ZNF804A: variants seen among roughly 807,000 people sequenced by gnomAD.
ZNF804A encodes the protein zinc finger protein 804A.
ZNF804A carries 2 observed loss-of-function variants against 16.5 expected under a neutral mutation model. The observed-to-expected ratio is 0.12, with a 90% CI of 0.05 to 0.38. The LOEUF (loss-of-function observed/expected upper bound fraction) is 0.38. Ranked by LOEUF, ZNF804A falls within the 10% of genes least tolerant of loss-of-function variation. The pLI is 0.99. For missense variants in ZNF804A, 1,473 were observed against 1,390.7 expected (o/e 1.06, Z -0.94); for synonymous variants, 534 against 489.6 (o/e 1.09, Z -1.20).
intron 1 of ZNF804A, among the ~76,000 whole-genome samples, chr2:184,613,507 T>C (rs1244199347): frequency 6.6e-6 from 1 of 152,190 alleles, no homozygotes; most frequent in Non-Finnish European, 1.5e-5. Context: ...ATCATGTTAG[T>C]AAGATTTGGC....
chr2:184,822,089 A>T lies in ZNF804A; in HGVS notation c.112-44280A>T, dbSNP rs1187323660. On this transcript the variant is annotated intron_variant, in intron 1 of 3. Transcript: ENST00000302277. The stretch of plus-strand genomic sequence containing the variant: ...GTATACCCAAAGGAATATAAATCAT[A>T]CTTCGGTAAAGACACATGCATGTGT... Among the ~76,000 whole-genome samples the T allele has an allele frequency of 2.0e-5, 3 of 152,050 alleles. No homozygotes were observed. The South Asian group carries it at 6.2e-4, about 31-fold the overall frequency.
chr2:184,715,305 T>C (rs1693196466), intron 1 of ZNF804A, among the ~76,000 whole-genome samples: 1 of 152,160 alleles, frequency 6.6e-6, no homozygotes, highest in African/African-American at 2.4e-5. Context: ...GTTAAAGTGT[T>C]CACTTCTGAA....
At chr2:184,733,266 C>A (rs1360442508) in intron 1 of ZNF804A, among the ~76,000 whole-genome samples, 1 of 152,118 alleles carries the variant, frequency 6.6e-6, no homozygotes, top group Non-Finnish European at 1.5e-5. Context: ...AAACCCACTT[C>A]TGAATTTATT....
Position 184,938,703 on chromosome 2 carries a change from TTGCAGCAGCACGCTGCAGCTGCTGCAGC to T in ZNF804A, c.3314_3341del (p.Gln1105LeufsTer35). On this transcript the variant is annotated frameshift_variant, in exon 4 of 4. Coordinates refer to ENST00000302277, the MANE Select transcript of ZNF804A (RefSeq NM_194250.2). LOFTEE classifies it low-confidence loss of function (END_TRUNC). ...TGTAACCACTATCCATCACACTGTTTTGCAGCAGCACGCTGCAGCTGCTGCAGCTGCAGCTGCAGCCGCAGCTGCAGGA... is the reference window on the plus strand; with the variant it reads ...TGTAACCACTATCCATCACACTGTTTTGCAGCTGCAGCCGCAGCTGCAGGA... 1.2e-6 allele frequency: 2 copies of T among 1,613,596 alleles called. No homozygotes were observed. Among genetic ancestry groups the T allele is most frequent in the Non-Finnish European group, 1.7e-6 (2 of 1,179,786 alleles).
chr2:184,833,036 C>T lies in ZNF804A; in HGVS notation c.112-33333C>T, dbSNP rs565914697. Reference sequence around the variant, plus strand: ...GCAGTGAGATTCCTGAGTTGCAGGGCACATGCATACTTAATTTCATTAAAT... The same window carrying T: ...GCAGTGAGATTCCTGAGTTGCAGGGTACATGCATACTTAATTTCATTAAAT... On this transcript the variant is annotated intron_variant, in intron 1 of 3. Coordinates refer to ENST00000302277, the MANE Select transcript of ZNF804A (RefSeq NM_194250.2). Among the ~76,000 whole-genome samples the T allele has an allele frequency of 1.2e-4, 19 of 152,116 alleles. No homozygotes were observed. The South Asian group carries it at 1.5e-3, about 12-fold the overall frequency.
At position 184,612,887 on chromosome 2, in the gene ZNF804A, GTTAA is replaced by G. The variant is rs540052570; in HGVS notation, c.111+13822_111+13825del. ...TTTCCATATTATTCCACAGTAAAGG[GTTAA>G]TTAAGTAAATAATAATAATAAATCA... On this transcript the variant is annotated intron_variant, in intron 1 of 3. Transcript: ENST00000302277. Among the ~76,000 whole-genome samples the G allele has an allele frequency of 1.1e-4, 16 of 152,248 alleles. 1 individual carries two copies. The South Asian group carries it at 2.7e-3, about 26-fold the overall frequency.
chr2:184,903,246 G>T (rs993417632), intron 2 of ZNF804A, among the ~76,000 whole-genome samples: 1 of 152,048 alleles, frequency 6.6e-6, no homozygotes, highest in African/African-American at 2.4e-5. Flanking sequence ...ATAGAATAAA[G>T]ATTACTTCAA....
At chr2:184,869,757 T>A (rs1456215094) in intron 2 of ZNF804A, among the ~76,000 whole-genome samples, 2 of 152,012 alleles carry the variant, frequency 1.3e-5, no homozygotes, top group Admixed American at 6.6e-5. Flanking sequence ...ATCCAGGTAA[T>A]CTGGACCTAA....
intron 1 of ZNF804A, among the ~76,000 whole-genome samples, chr2:184,786,215 C>G (rs188613885): frequency 2.0e-5 from 3 of 151,928 alleles, no homozygotes; most frequent in Non-Finnish European, 4.4e-5. Context: ...TCAGTAAATA[C>G]TAGGAGAAGA....
At chr2:184,643,234 G>A (rs1279077119) in intron 1 of ZNF804A, among the ~76,000 whole-genome samples, 1 of 151,874 alleles carries the variant, frequency 6.6e-6, no homozygotes, top group African/African-American at 2.4e-5. Context: ...AGGACAGCAA[G>A]TTATAATGCA....
chr2:184,854,060 G>A (rs1222638408), intron 1 of ZNF804A, among the ~76,000 whole-genome samples: 1 of 151,758 alleles, frequency 6.6e-6, no homozygotes, highest in African/African-American at 2.4e-5. Flanking sequence ...TTTGATGGGA[G>A]ACTTCTTATT....
chr2:184,676,498 A>G (rs569188989), intron 1 of ZNF804A, among the ~76,000 whole-genome samples: 1 of 151,770 alleles, frequency 6.6e-6, no homozygotes, highest in Admixed American at 6.6e-5. Flanking sequence ...ATTGAATCTA[A>G]GTTAATAAAG....
At chr2:184,653,425 A>G (rs1252156505) in intron 1 of ZNF804A, among the ~76,000 whole-genome samples, 3 of 152,158 alleles carry the variant, frequency 2.0e-5, no homozygotes, top group African/African-American at 7.2e-5. Flanking sequence ...GCCTCCTCAG[A>G]AGAAAGTATT....
At chr2:184,874,037 C>A (rs1696015400) in intron 2 of ZNF804A, among the ~76,000 whole-genome samples, 1 of 151,980 alleles carries the variant, frequency 6.6e-6, no homozygotes, top group Non-Finnish European at 1.5e-5. Context: ...TTCTGCAGTG[C>A]AAATTAACTG....
At chr2:184,910,662 G>C (rs1574267247) in intron 2 of ZNF804A, among the ~76,000 whole-genome samples, 1 of 151,932 alleles carries the variant, frequency 6.6e-6, no homozygotes, top group African/African-American at 2.4e-5. Flanking sequence ...TTAAGTAATA[G>C]CCATTCTGAC....
rs191643170 is a variant in ZNF804A at position 184,741,456 on chromosome 2, A to G, written c.112-124913A>G. Among the ~76,000 whole-genome samples, 273 of 152,274 alleles carry G rather than the reference A, an allele frequency of 1.8e-3. 1 individual carries two copies. The highest frequency in any genetic ancestry group is 2.0e-3 in the Non-Finnish European group (137 of 68,010). ...AACACATTTAATTGCCCATATGAGT[A>G]TCCTCAGACTTCATCCCCTCTAGAT... On this transcript the variant is annotated intron_variant, in intron 1 of 3. Transcript: ENST00000302277.
intron 1 of ZNF804A, among the ~76,000 whole-genome samples, chr2:184,820,165 C>G (rs1247167793): frequency 1.3e-5 from 2 of 151,756 alleles, no homozygotes; most frequent in East Asian, 3.9e-4. Flanking sequence ...GCAAAAATCC[C>G]CAATGAAATA....
chr2:184,866,430 A>G lies in ZNF804A; in HGVS notation c.173A>G (p.Tyr58Cys). Residue 58 changes from tyrosine to cysteine, a missense_variant, in exon 2 of 4, where the codon TAC becomes TGC. Physicochemically the swap from Tyr to Cys is radical, Grantham distance 194 (BLOSUM62 -2). Transcript: ENST00000302277. The stretch of plus-strand genomic sequence containing the variant: ...CTGGAAGATCTGAAGGCAAATTTTT[A>G]CTGTGAACTCTGTGACAAGCAGTAC... ...KALEDLKANFYCELCDKQYYK... is the reference protein window; with the variant it reads ...KALEDLKANFCCELCDKQYYK... 6.2e-7 allele frequency: 1 copy of G among 1,613,310 alleles called. No individual in the cohort carries two copies. The highest frequency in any genetic ancestry group is 8.5e-7 in the Non-Finnish European group (1 of 1,179,594).
intron 2 of ZNF804A, among the ~76,000 whole-genome samples, chr2:184,887,084 G>A (rs1261025515): frequency 6.6e-6 from 1 of 152,118 alleles, no homozygotes; most frequent in Non-Finnish European, 1.5e-5. Flanking sequence ...GCCTTTAACA[G>A]CATCCAAATC....
Sources: gnomAD v4.1 joint callset for allele counts (sites outside exome capture counted in the v4.1 genomes callset) on GRCh38, gnomAD v4.1.1 for gene constraint, MANE v1.5 for transcripts, NCBI Gene and HGNC (gene_info 2026-07-23, HGNC 2026-07-21) for gene names.